The following NDUFB4 variants were observed in gnomAD, a reference collection of about 807,000 sequenced individuals.
NDUFB4 encodes NADH:ubiquinone oxidoreductase subunit B4.
NDUFB4 carries 10 observed loss-of-function variants against 14.5 expected under a neutral mutation model. The observed-to-expected ratio is 0.69, with a 90% CI of 0.43 to 1.17. The LOEUF is 1.17. NDUFB4 is among the 50% of genes most tolerant of loss of function. NDUFB4 has a pLI of 0.00. For missense variants in NDUFB4, 165 were observed against 161.1 expected, an observed-to-expected ratio of 1.02 and a Z score of -0.13; for synonymous variants, 65 against 63.4, an observed-to-expected ratio of 1.03 and a Z score of -0.12.
In NDUFB4 at chr3:120,596,461, C is replaced by T. The variant is rs562308447; in HGVS notation, c.102C>T (p.Ala34=). 2.2e-5 allele frequency: 36 copies of T among 1,614,098 alleles called. 1 individual carries two copies. Among genetic ancestry groups the T allele is most frequent in the Non-Finnish European group, 2.9e-5 (34 of 1,179,996 alleles). ...NISPETRRAQ[A]ERLAIRAQLK... The stretch of plus-strand genomic sequence containing the variant: ...CTCCGGAAACCCGGCGGGCGCAAGC[C>T]GAGCGGTTGGCCATAAGAGCCCAGC... Residue 34 remains alanine, a synonymous_variant, in exon 1 of 3, where the codon GCC becomes GCT. Coordinates refer to ENST00000184266, the MANE Select transcript of NDUFB4 (RefSeq NM_004547.6).
intron 2 of NDUFB4, chr3:120,601,927 A>G (rs1371961207): frequency 1.0e-5 from 12 of 1,163,442 alleles, no homozygotes; most frequent in Non-Finnish European, 1.3e-5. Context: ...TTTATGGGAT[A>G]ATATATTTCT....
chr3:120,598,477 G>A (rs61797656), intron 1 of NDUFB4, among the ~76,000 whole-genome samples: 19,743 of 152,064 alleles, frequency 0.13, 1,422 homozygotes, highest in East Asian at 0.21. Context: ...TCCTGTCCTT[G>A]TAGAACAAAC....
chr3:120,602,275 G>T lies in NDUFB4; in HGVS notation c.*5G>T. ...ACATTTCACCTCTCATATTAAGTCT[G>T]GCAATGATGACTATATGTATTCCTG... On this transcript the variant is annotated 3_prime_UTR_variant, in exon 3 of 3. Coordinates refer to ENST00000184266, the MANE Select transcript of NDUFB4 (RefSeq NM_004547.6). 6.2e-7 allele frequency: 1 copy of T among 1,602,080 alleles called. No homozygotes were observed. Among genetic ancestry groups the T allele is most frequent in the Non-Finnish European group, 8.5e-7 (1 of 1,173,704 alleles).
At chr3:120,601,047 A>C in intron 1 of NDUFB4, 64 bp from the exon 2 acceptor site, 1 of 1,440,268 alleles carries the variant, frequency 6.9e-7, no homozygotes, top group Non-Finnish European at 9.6e-7. Flanking sequence ...AAAAGTCCCT[A>C]TGAATTTGTT....
Position 120,602,454 on chromosome 3 carries a change from G to A in NDUFB4, c.*184G>A. The A allele has an allele frequency of 3.6e-6, 2 of 561,484 alleles. No individual in the cohort carries two copies. The highest frequency in any genetic ancestry group is 6.3e-6 in the Non-Finnish European group (2 of 317,680). The allele number at this position is 561,484 out of a possible 1,614,324, so 34.8% of individuals were successfully genotyped here. On this transcript the variant is annotated 3_prime_UTR_variant, in exon 3 of 3. Transcript: ENST00000184266. Reference sequence around the variant, plus strand: ...GTCAGAGTGACAGCAAACATTTGCTGTACATTGAATGAATGAACATAAACT... The same window carrying A: ...GTCAGAGTGACAGCAAACATTTGCTATACATTGAATGAATGAACATAAACT...
At position 120,596,509 on chromosome 3, in the gene NDUFB4, G is replaced by C. The variant is rs754080432; in HGVS notation, c.150G>C (p.Gln50His). 9.3e-6 allele frequency: 15 copies of C among 1,613,844 alleles called. No individual in the cohort carries two copies. The highest frequency in any genetic ancestry group is 1.7e-5 in the Admixed American group (1 of 59,978). ...AGCTGAAACGAGAGTACCTGCTTCA[G>C]TACAACGATCCCAACCGCCGAGGGC... ...RAQLKREYLL[Q>H]YNDPNRRGLI... Residue 50 changes from glutamine (Q) to histidine (H), a missense_variant, in exon 1 of 3, where the codon CAG becomes CAC. By Grantham distance (24) the Gln-to-His change is conservative (BLOSUM62 0). Coordinates refer to ENST00000184266, the MANE Select transcript of NDUFB4 (RefSeq NM_004547.6).
chr3:120,597,544 AG>A (rs1939986091), intron 1 of NDUFB4, among the ~76,000 whole-genome samples: 1 of 152,250 alleles, frequency 6.6e-6, no homozygotes, highest in Admixed American at 6.5e-5. Context: ...ACAATGTGCC[AG>A]GCACTGTGCT....
chr3:120,597,124 C>G (rs1454748867), intron 1 of NDUFB4, among the ~76,000 whole-genome samples: 1 of 149,872 alleles, frequency 6.7e-6, no homozygotes, highest in Non-Finnish European at 1.5e-5. Context: ...GTTCACAGCT[C>G]ATAGGGATAC....
chr3:120,597,035 C>CAT (rs1220813327), intron 1 of NDUFB4, among the ~76,000 whole-genome samples: 3 of 141,316 alleles, frequency 2.1e-5, no homozygotes, highest in Non-Finnish European at 3.0e-5. Context: ...TATATATATG[C>CAT]ATATATATTA....
At chr3:120,599,090 A>G (rs1940014735) in intron 1 of NDUFB4, among the ~76,000 whole-genome samples, 1 of 152,128 alleles carries the variant, frequency 6.6e-6, no homozygotes, top group Non-Finnish European at 1.5e-5. Context: ...CTGATAGACT[A>G]GATGTGGTGT....
At chr3:120,599,772 GCAAATT>G (rs906472906) in intron 1 of NDUFB4, among the ~76,000 whole-genome samples, 1 of 152,114 alleles carries the variant, frequency 6.6e-6, no homozygotes, top group African/African-American at 2.4e-5. Context: ...GAGGTGACTA[GCAAATT>G]GAGAAGTCTG....
chr3:120,596,392 G>C lies in NDUFB4; in HGVS notation c.33G>C (p.Leu11=). 1 of 1,614,180 alleles carries C rather than the reference G, an allele frequency of 6.2e-7. No individual in the cohort carries two copies. The highest frequency in any genetic ancestry group is 1.1e-5 in the South Asian group (1 of 91,082). Residue 11 remains leucine (L), a synonymous_variant, in exon 1 of 3, where the codon CTG becomes CTC. Transcript: ENST00000184266. MSFPKYKPSS[L]RTLPETLDPA... is the part of the protein sequence containing the mutation. ...TCCCAAAGTATAAGCCGTCGAGCCT[G>C]CGCACTCTGCCTGAGACCCTCGACC...
At chr3:120,598,152 A>G (rs903822133) in intron 1 of NDUFB4, among the ~76,000 whole-genome samples, 9 of 151,712 alleles carry the variant, frequency 5.9e-5, no homozygotes, top group Non-Finnish European at 8.8e-5. Context: ...TCCCGGGCTC[A>G]AGCTGTCCTC....
chr3:120,600,943 C>A, intron 1 of NDUFB4, 168 bp from the exon 2 acceptor site: 1 of 591,088 alleles, frequency 1.7e-6, no homozygotes, highest in East Asian at 3.0e-5. Context: ...TCAAAAAACA[C>A]CAGAAATGAA....
chr3:120,602,103 G>A, intron 2 of NDUFB4, 105 bp from the exon 3 acceptor site: 1 of 1,516,660 alleles, frequency 6.6e-7, no homozygotes. Flanking sequence ...GGTGGGTTGT[G>A]CCAAAATGCA....
At chr3:120,601,456 A>T in intron 2 of NDUFB4, 199 bp downstream of exon 2, 1 of 1,409,994 alleles carries the variant, frequency 7.1e-7, no homozygotes, top group Non-Finnish European at 9.2e-7. Flanking sequence ...ACCTTTGTCT[A>T]TTTTTGTTAG....
At chr3:120,598,511 C>T (rs1450780501) in intron 1 of NDUFB4, among the ~76,000 whole-genome samples, 2 of 151,878 alleles carry the variant, frequency 1.3e-5, no homozygotes, top group Non-Finnish European at 2.9e-5. Flanking sequence ...AGACAAGAAA[C>T]AAGTTAAAAA....
At chr3:120,598,192 A>G (rs541160231) in intron 1 of NDUFB4, among the ~76,000 whole-genome samples, 1 of 151,998 alleles carries the variant, frequency 6.6e-6, no homozygotes, top group Admixed American at 6.6e-5. Context: ...AGCTGGGACC[A>G]CAGATGTGCG....
At chr3:120,599,595 G>T (rs900913010) in intron 1 of NDUFB4, among the ~76,000 whole-genome samples, 1 of 152,082 alleles carries the variant, frequency 6.6e-6, no homozygotes, top group Non-Finnish European at 1.5e-5. Flanking sequence ...GAGTGCACTG[G>T]ACTTTTAGTG....
Sources: allele counts gnomAD v4.1 joint callset (sites outside exome capture counted in the v4.1 genomes callset), GRCh38; gene constraint gnomAD v4.1.1; transcripts MANE v1.5; gene names NCBI Gene and HGNC (gene_info 2026-07-23, HGNC 2026-07-21).